FARS2: variants seen among roughly 807,000 people sequenced by gnomAD.
FARS2 encodes phenylalanine--tRNA ligase, mitochondrial.
In FARS2, 40 loss-of-function variants were observed where a neutral mutation model predicts 46.4. That is an observed-to-expected ratio of 0.86 (90% CI 0.67 to 1.12). FARS2 has a LOEUF of 1.12. FARS2 is among the 50% of genes most tolerant of loss of function. The probability of loss-of-function intolerance (pLI) is 0.00; values close to 1 mark genes in which losing one functional copy is unlikely to be tolerated. For missense variants in FARS2, 513 were observed against 567.9 expected, an observed-to-expected ratio of 0.90 and a Z score of 0.98; for synonymous variants, 234 against 214.9, an observed-to-expected ratio of 1.09 and a Z score of -0.78.
intron 1 of FARS2, among the ~76,000 whole-genome samples, chr6:5,282,697 A>C (rs1766823872): frequency 1.3e-5 from 2 of 152,344 alleles, no homozygotes; most frequent in African/African-American, 4.8e-5. Flanking sequence ...GGTGCTTTAG[A>C]AAGGTGGGTC....
intron 4 of FARS2, among the ~76,000 whole-genome samples, chr6:5,516,909 T>G (rs1015173249): frequency 6.6e-6 from 1 of 152,236 alleles, no homozygotes; most frequent in African/African-American, 2.4e-5. Context: ...TGTCCACTGC[T>G]ATGTATAAGC....
intron 6 of FARS2, among the ~76,000 whole-genome samples, chr6:5,623,473 G>T (rs1024261340): frequency 1.3e-5 from 2 of 152,186 alleles, no homozygotes; most frequent in African/African-American, 4.8e-5. Flanking sequence ...CAGCACTTTT[G>T]GAGGCTAGGG....
intron 4 of FARS2, among the ~76,000 whole-genome samples, chr6:5,477,502 C>T (rs1345764440): frequency 2.0e-5 from 3 of 152,152 alleles, no homozygotes; most frequent in African/African-American, 7.2e-5. Flanking sequence ...TTTCACTTGT[C>T]TTGTCTCACT....
chr6:5,689,923 TTG>T (rs1429917608), intron 6 of FARS2, among the ~76,000 whole-genome samples: 1 of 152,230 alleles, frequency 6.6e-6, no homozygotes. Context: ...TTAGCTCTTC[TTG>T]TTGAATTGAT....
At chr6:5,452,264 G>C (rs932870920) in intron 4 of FARS2, 2 of 151,890 alleles carry the variant, frequency 1.3e-5, no homozygotes, top group African/African-American at 4.8e-5. Context: ...ATGTAGCTTG[G>C]GGGCTACACC....
At chr6:5,556,446 C>T (rs1307693204) in intron 5 of FARS2, among the ~76,000 whole-genome samples, 3 of 151,846 alleles carry the variant, frequency 2.0e-5, no homozygotes, top group Non-Finnish European at 2.9e-5. Flanking sequence ...TTTCCATCTT[C>T]AGCTTGCTTT....
At chr6:5,684,198 A>T (rs1779179813) in intron 6 of FARS2, among the ~76,000 whole-genome samples, 1 of 152,124 alleles carries the variant, frequency 6.6e-6, no homozygotes, top group East Asian at 1.9e-4. Flanking sequence ...TGTTACCTGC[A>T]TTCCTGTGCA....
intron 4 of FARS2, among the ~76,000 whole-genome samples, chr6:5,523,429 T>C (rs1273096932): frequency 2.6e-5 from 4 of 151,842 alleles, no homozygotes; most frequent in African/African-American, 7.3e-5. Context: ...TTTTTTTTTT[T>C]TTTCTCATGG....
intron 1 of FARS2, among the ~76,000 whole-genome samples, chr6:5,357,238 T>C (rs781781872): frequency 4.6e-5 from 7 of 152,238 alleles, no homozygotes; most frequent in Non-Finnish European, 7.3e-5. Flanking sequence ...GAAATATCAC[T>C]GTGAGTTAAA....
At chr6:5,567,547 C>T (rs768434847) in intron 5 of FARS2, among the ~76,000 whole-genome samples, 34 of 152,082 alleles carry the variant, frequency 2.2e-4, no homozygotes, top group Non-Finnish European at 3.8e-4. Flanking sequence ...TTTTGAGGTT[C>T]GTTCTTTGTC....
At chr6:5,535,914 T>C (rs1307971524) in intron 4 of FARS2, among the ~76,000 whole-genome samples, 1 of 152,212 alleles carries the variant, frequency 6.6e-6, no homozygotes, top group Non-Finnish European at 1.5e-5. Flanking sequence ...ATCCTTTTAA[T>C]GTGCTACTAA....
intron 2 of FARS2, among the ~76,000 whole-genome samples, chr6:5,397,605 G>A (rs570877294): frequency 7.9e-5 from 12 of 152,128 alleles, no homozygotes; most frequent in Non-Finnish European, 7.4e-5. Context: ...CTAAAACGAT[G>A]CTTAAAAAAG....
At chr6:5,722,968 A>G (rs1285071065) in intron 6 of FARS2, among the ~76,000 whole-genome samples, 2 of 152,248 alleles carry the variant, frequency 1.3e-5, no homozygotes, top group Non-Finnish European at 2.9e-5. Flanking sequence ...AGAGCTATCT[A>G]CAAAGGAAGT....
At chr6:5,392,021 A>G (rs2503816) in intron 2 of FARS2, among the ~76,000 whole-genome samples, 56,890 of 152,046 alleles carry the variant, frequency 0.37, 12,351 homozygotes, top group African/African-American at 0.6. Flanking sequence ...AAATTATACA[A>G]ACTGTTGGGT....
At chr6:5,654,164 A>C (rs1052805880) in intron 6 of FARS2, among the ~76,000 whole-genome samples, 1 of 152,168 alleles carries the variant, frequency 6.6e-6, no homozygotes, top group Non-Finnish European at 1.5e-5. Flanking sequence ...GCAGGAGCAG[A>C]GACCTTCTGT....
At chr6:5,399,455 T>C (rs1761123233) in intron 2 of FARS2, among the ~76,000 whole-genome samples, 1 of 152,030 alleles carries the variant, frequency 6.6e-6, no homozygotes, top group South Asian at 2.1e-4. Context: ...GGATTGCAGG[T>C]GTCAGGATTT....
intron 6 of FARS2, among the ~76,000 whole-genome samples, chr6:5,713,272 A>C (rs1300724234): frequency 6.6e-6 from 1 of 152,218 alleles, no homozygotes; most frequent in African/African-American, 2.4e-5. Context: ...CATCAGTGTC[A>C]ATGTTGTATC....
chr6:5,599,660 A>G (rs1561742350), intron 5 of FARS2, among the ~76,000 whole-genome samples: 2 of 152,242 alleles, frequency 1.3e-5, no homozygotes, highest in Non-Finnish European at 2.9e-5. Flanking sequence ...GTTTTTTAGT[A>G]TATTCACAGA....
chr6:5,646,834 C>T (rs1018646448), intron 6 of FARS2, among the ~76,000 whole-genome samples: 2 of 152,016 alleles, frequency 1.3e-5, no homozygotes, highest in African/African-American at 2.4e-5. Flanking sequence ...TGGACCAAAC[C>T]ATCTTTTTCT....
Sources: allele counts gnomAD v4.1 joint callset (sites outside exome capture counted in the v4.1 genomes callset), GRCh38; gene constraint gnomAD v4.1.1; transcripts MANE v1.5; gene names NCBI Gene and HGNC (gene_info 2026-07-23, HGNC 2026-07-21).